Variants in KCNIP4 observed in about 807,000 individuals in gnomAD.
The protein encoded by KCNIP4 is potassium voltage-gated channel interacting protein 4.
Under a neutral mutation model 34.0 loss-of-function variants are expected in KCNIP4, and 12 were observed. That is an observed-to-expected ratio of 0.35 (90% CI 0.23 to 0.57). The LOEUF (loss-of-function observed/expected upper bound fraction) is 0.57, where lower values mean the gene tolerates loss of function less well. KCNIP4 is among the 20% of genes least tolerant of loss of function. KCNIP4 has a pLI of 0.83. For missense variants in KCNIP4, 238 were observed against 311.7 expected (o/e 0.76, Z 1.78); for synonymous variants, 124 against 102.2 (o/e 1.21, Z -1.29).
intron 1 of KCNIP4, among the ~76,000 whole-genome samples, chr4:20,986,364 T>G (rs887614921): frequency 1.3e-5 from 2 of 152,212 alleles, no homozygotes; most frequent in African/African-American, 2.4e-5. Flanking sequence ...AAACATTTTC[T>G]TCTCCATTAT....
intron 1 of KCNIP4, among the ~76,000 whole-genome samples, chr4:21,284,267 A>G (rs893126724): frequency 6.6e-6 from 1 of 152,222 alleles, no homozygotes; most frequent in African/African-American, 2.4e-5. Context: ...TCTAACTTTG[A>G]AAAGTGGTTT....
At chr4:20,934,963 C>T (rs1007921037) in intron 1 of KCNIP4, among the ~76,000 whole-genome samples, 1 of 152,154 alleles carries the variant, frequency 6.6e-6, no homozygotes, top group Admixed American at 6.5e-5. Context: ...TGACTCCAGG[C>T]ATTTCCTGAC....
intron 1 of KCNIP4, among the ~76,000 whole-genome samples, chr4:21,931,418 CT>C (rs1729557231): frequency 1.0e-5 from 1 of 100,452 alleles, no homozygotes; most frequent in African/African-American, 3.9e-5. Flanking sequence ...TCCCTCCCCC[CT>C]CCCCCCACCC....
At chr4:21,263,414 G>A (rs1045011317) in intron 1 of KCNIP4, among the ~76,000 whole-genome samples, 2 of 152,064 alleles carry the variant, frequency 1.3e-5, no homozygotes, top group African/African-American at 2.4e-5. Flanking sequence ...CCTTCATCAT[G>A]CCACCTCTGT....
At chr4:20,862,650 T>C (rs1354469014) in intron 2 of KCNIP4, among the ~76,000 whole-genome samples, 2 of 152,114 alleles carry the variant, frequency 1.3e-5, no homozygotes, top group Non-Finnish European at 2.9e-5. Context: ...TAAAAATCAA[T>C]AACAAGACAC....
intron 1 of KCNIP4, among the ~76,000 whole-genome samples, chr4:21,864,053 A>C (rs953794525): frequency 6.6e-6 from 1 of 152,220 alleles, no homozygotes; most frequent in African/African-American, 2.4e-5. Flanking sequence ...TGAAACTCTG[A>C]TGAATAGTGA....
intron 2 of KCNIP4, among the ~76,000 whole-genome samples, chr4:20,857,082 T>C (rs897673712): frequency 6.6e-6 from 1 of 150,742 alleles, no homozygotes; most frequent in East Asian, 1.9e-4. Flanking sequence ...TGTCTGCCTG[T>C]GGGCTCTCTT....
At chr4:20,798,616 G>C (rs1172406550) in intron 3 of KCNIP4, among the ~76,000 whole-genome samples, 1 of 151,992 alleles carries the variant, frequency 6.6e-6, no homozygotes, top group African/African-American at 2.4e-5. Context: ...GAATAGCAAA[G>C]AAGCAGCAGA....
chr4:21,513,192 A>T (rs1349824248), intron 1 of KCNIP4, among the ~76,000 whole-genome samples: 12 of 152,212 alleles, frequency 7.9e-5, no homozygotes, highest in Admixed American at 7.9e-4. Context: ...AACAGAGATG[A>T]AGGTGTAATT....
intron 1 of KCNIP4, among the ~76,000 whole-genome samples, chr4:21,248,501 C>G (rs1760455757): frequency 6.6e-6 from 1 of 152,166 alleles, no homozygotes; most frequent in Non-Finnish European, 1.5e-5. Context: ...TTCCCAAAGC[C>G]TTGATAACTG....
At chr4:21,895,508 T>A (rs575841448) in intron 1 of KCNIP4, among the ~76,000 whole-genome samples, 6 of 152,284 alleles carry the variant, frequency 3.9e-5, no homozygotes, top group African/African-American at 1.4e-4. Flanking sequence ...CCTCTCTATG[T>A]CAGTATTAGG....
At chr4:21,506,275 G>A (rs1168041491) in intron 1 of KCNIP4, among the ~76,000 whole-genome samples, 1 of 152,132 alleles carries the variant, frequency 6.6e-6, no homozygotes, top group Non-Finnish European at 1.5e-5. Context: ...CAGACTGTGT[G>A]CAAAGCCTGA....
chr4:21,217,368 G>A (rs1757663315), intron 1 of KCNIP4, among the ~76,000 whole-genome samples: 2 of 152,058 alleles, frequency 1.3e-5, no homozygotes, highest in South Asian at 4.1e-4. Context: ...TTTTTGATGA[G>A]GGATTGGTGT....
At chr4:21,293,185 A>G (rs923320087) in intron 1 of KCNIP4, among the ~76,000 whole-genome samples, 2 of 152,216 alleles carry the variant, frequency 1.3e-5, no homozygotes, top group Admixed American at 6.5e-5. Context: ...TAATGGTTAC[A>G]TTCATAGGAT....
intron 1 of KCNIP4, among the ~76,000 whole-genome samples, chr4:21,679,992 T>C (rs1438375068): frequency 6.6e-6 from 1 of 152,352 alleles, no homozygotes; most frequent in East Asian, 1.9e-4. Flanking sequence ...TTGAGGTGTC[T>C]AGTGTAATTC....
At chr4:21,414,758 G>A (rs1428483086) in intron 1 of KCNIP4, among the ~76,000 whole-genome samples, 1 of 152,032 alleles carries the variant, frequency 6.6e-6, no homozygotes, top group East Asian at 1.9e-4. Flanking sequence ...TTAAAATGGA[G>A]ATTCTATAAT....
chr4:20,785,691 TAAAG>T (rs1711889628), intron 3 of KCNIP4, among the ~76,000 whole-genome samples: 1 of 152,124 alleles, frequency 6.6e-6, no homozygotes, highest in Non-Finnish European at 1.5e-5. Flanking sequence ...CTTTTTTAAA[TAAAG>T]AAAATCACAA....
intron 1 of KCNIP4, among the ~76,000 whole-genome samples, chr4:21,879,997 G>GT (rs1726373481): frequency 6.6e-6 from 1 of 152,216 alleles, no homozygotes; most frequent in South Asian, 2.1e-4. Context: ...CACCATGATT[G>GT]TAAGTTTCCT....
Position 21,094,092 on chromosome 4 carries a change from G to C in KCNIP4, c.62-211383C>G, listed in dbSNP as rs570478750. On this transcript the variant is annotated intron_variant, in intron 1 of 8. Transcript: ENST00000382152. ...GCAAGACTCCGTCTCAAAAAAAAAA[G>C]AAAAAAGCTTATTAAATAATTTAAT... Among the ~76,000 whole-genome samples, 125 of 148,288 alleles carry C rather than the reference G, an allele frequency of 8.4e-4. 2 individuals are homozygous for C. The East Asian group carries it at 0.02, about 23-fold the overall frequency.
Sources: allele counts gnomAD v4.1 joint callset (sites outside exome capture counted in the v4.1 genomes callset), GRCh38; gene constraint gnomAD v4.1.1; transcripts MANE v1.5; gene names NCBI Gene and HGNC (gene_info 2026-07-23, HGNC 2026-07-21).